Variants in PARD3 observed in about 807,000 individuals in gnomAD.
The protein encoded by PARD3 is par-3 family cell polarity regulator.
In PARD3, 75 loss-of-function variants were observed where a neutral mutation model predicts 155.4. The observed-to-expected ratio is 0.48, with a 90% CI of 0.40 to 0.58. The LOEUF (loss-of-function observed/expected upper bound fraction) is 0.58. PARD3 is among the 20% of genes least tolerant of loss of function. The probability of loss-of-function intolerance (pLI) is 0.00; values close to 1 mark genes in which losing one functional copy is unlikely to be tolerated. For synonymous variants in PARD3, 576 were observed against 610.5 expected, an observed-to-expected ratio of 0.94 and a Z score of 0.83; for missense variants, 1,642 against 1,721.7, an observed-to-expected ratio of 0.95 and a Z score of 0.82.
chr10:34,189,692 T>C (rs1950623728), intron 22 of PARD3, among the ~76,000 whole-genome samples: 1 of 152,348 alleles, frequency 6.6e-6, no homozygotes, highest in South Asian at 2.1e-4. Flanking sequence ...AAAGCACCTG[T>C]GCAATTGAGT....
chr10:34,363,411 T>C (rs753796422), intron 12 of PARD3, among the ~76,000 whole-genome samples: 1 of 152,232 alleles, frequency 6.6e-6, no homozygotes, highest in Non-Finnish European at 1.5e-5. Flanking sequence ...TTAAGAACAC[T>C]GATGTGAAAC....
At chr10:34,473,437 AGC>A (rs2078492858) in intron 3 of PARD3, among the ~76,000 whole-genome samples, 1 of 152,122 alleles carries the variant, frequency 6.6e-6, no homozygotes, top group East Asian at 1.9e-4. Context: ...CTATAATCCC[AGC>A]ACCTTGGGAG....
At chr10:34,640,070 C>A (rs1031066859) in intron 2 of PARD3, among the ~76,000 whole-genome samples, 1 of 152,172 alleles carries the variant, frequency 6.6e-6, no homozygotes, top group South Asian at 2.1e-4. Context: ...AAATACCAAT[C>A]CCTCTGACTA....
At chr10:34,740,544 A>G (rs1260133179) in intron 1 of PARD3, among the ~76,000 whole-genome samples, 1 of 152,106 alleles carries the variant, frequency 6.6e-6, no homozygotes, top group African/African-American at 2.4e-5. Context: ...AGGTGTGTTC[A>G]GAGCTGAGCT....
chr10:34,449,692 T>C (rs2076955417), intron 5 of PARD3, among the ~76,000 whole-genome samples: 1 of 152,144 alleles, frequency 6.6e-6, no homozygotes, highest in Non-Finnish European at 1.5e-5. Context: ...AACAACTTTG[T>C]AAATAGTCAT....
At chr10:34,774,912 T>C (rs1839347930) in intron 1 of PARD3, among the ~76,000 whole-genome samples, 1 of 152,246 alleles carries the variant, frequency 6.6e-6, no homozygotes, top group Non-Finnish European at 1.5e-5. Context: ...CAGTGACTCC[T>C]GGAAGTTTAC....
intron 22 of PARD3, among the ~76,000 whole-genome samples, chr10:34,261,825 G>C (rs6481894): frequency 0.56 from 77,656 of 138,042 alleles, 22,348 homozygotes; most frequent in Middle Eastern, 0.64. Context: ...AAGAAAGAAA[G>C]AAACAAACAA....
chr10:34,236,850 G>T (rs1282433845), intron 22 of PARD3, among the ~76,000 whole-genome samples: 1 of 152,140 alleles, frequency 6.6e-6, no homozygotes, highest in African/African-American at 2.4e-5. Flanking sequence ...GAGTGCAGGG[G>T]GAGAGTGAGA....
rs55916632 is a variant in PARD3 at position 34,809,403 on chromosome 10, T to C, written c.120+5473A>G. ...AACCACACAGCACAGCCCAAGCATC[T>C]GAGTCGGTACAGGAGCTACACCCAG... is the stretch of plus-strand genomic sequence containing the variant. On this transcript the variant is annotated intron_variant, in intron 1 of 24. Transcript: ENST00000374788. Among the ~76,000 whole-genome samples, 744 of 152,158 alleles carry C rather than the reference T, an allele frequency of 4.9e-3. 5 individuals are homozygous for C. Among genetic ancestry groups the C allele is most frequent in the Non-Finnish European group, 8.6e-3 (583 of 68,012 alleles).
intron 22 of PARD3, among the ~76,000 whole-genome samples, chr10:34,164,909 G>A (rs1949453682): frequency 6.6e-6 from 1 of 152,072 alleles, no homozygotes; most frequent in Non-Finnish European, 1.5e-5. Flanking sequence ...TAGTAATCAA[G>A]TCATTTACTG....
chr10:34,605,354 T>C lies in PARD3; in HGVS notation c.223-88195A>G, dbSNP rs184733115. Among the ~76,000 whole-genome samples, 610 of 149,176 alleles carry C rather than the reference T, an allele frequency of 4.1e-3. 2 individuals are homozygous for C. The highest frequency in any genetic ancestry group is 5.0e-3 in the Non-Finnish European group (336 of 67,396). On this transcript the variant is annotated intron_variant, in intron 2 of 24. Coordinates refer to ENST00000374788, the MANE Select transcript of PARD3 (RefSeq NM_001184785.2). ...ACTACAGGGCGCCTACCACCACGCC[T>C]GGCTAATTTTTTGTACTTTTAGTAG...
At chr10:34,466,250 C>T (rs540012816) in intron 4 of PARD3, among the ~76,000 whole-genome samples, 53 of 152,190 alleles carry the variant, frequency 3.5e-4, no homozygotes, top group Middle Eastern at 6.8e-3. Context: ...CCTATGGGAC[C>T]CTCGGCCTCT....
intron 2 of PARD3, among the ~76,000 whole-genome samples, chr10:34,531,258 A>G (rs1166959504): frequency 6.6e-6 from 1 of 152,118 alleles, no homozygotes; most frequent in African/African-American, 2.4e-5. Flanking sequence ...AACCGTGTTT[A>G]GGCAGACACT....
At chr10:34,603,058 G>C (rs938740266) in intron 2 of PARD3, among the ~76,000 whole-genome samples, 1 of 152,190 alleles carries the variant, frequency 6.6e-6, no homozygotes, top group Non-Finnish European at 1.5e-5. Flanking sequence ...TAGTTTGGTA[G>C]AGAGCGATTA....
At chr10:34,335,580 T>C (rs1343370287) in intron 18 of PARD3, among the ~76,000 whole-genome samples, 1 of 152,064 alleles carries the variant, frequency 6.6e-6, no homozygotes, top group African/African-American at 2.4e-5. Flanking sequence ...TTCTATGGAA[T>C]GATTTGGCAG....
chr10:34,712,635 A>T (rs1000746267), intron 1 of PARD3, among the ~76,000 whole-genome samples: 1 of 152,168 alleles, frequency 6.6e-6, no homozygotes, highest in Non-Finnish European at 1.5e-5. Flanking sequence ...TTTAGGACAC[A>T]CTGATTCTTC....
intron 2 of PARD3, among the ~76,000 whole-genome samples, chr10:34,555,457 G>A (rs1028914816): frequency 1.3e-5 from 2 of 151,998 alleles, no homozygotes; most frequent in African/African-American, 4.8e-5. Context: ...GCCTGCATGG[G>A]AAAATGGTCT....
At chr10:34,810,280 C>T (rs948573059) in intron 1 of PARD3, among the ~76,000 whole-genome samples, 4 of 152,102 alleles carry the variant, frequency 2.6e-5, no homozygotes, top group African/African-American at 9.7e-5. Context: ...GTATAAGGTA[C>T]GTAGGAAACA....
intron 1 of PARD3, among the ~76,000 whole-genome samples, chr10:34,734,389 G>A (rs2094876304): frequency 7.6e-6 from 1 of 131,570 alleles, no homozygotes; most frequent in Non-Finnish European, 1.5e-5. Flanking sequence ...AGGCTGGAGT[G>A]CAGTGGCGCG....
Sources: allele counts gnomAD v4.1 joint callset (sites outside exome capture counted in the v4.1 genomes callset), GRCh38; gene constraint gnomAD v4.1.1; transcripts MANE v1.5; gene names NCBI Gene and HGNC (gene_info 2026-07-23, HGNC 2026-07-21).